OSBPL8: variants seen among roughly 807,000 people sequenced by gnomAD.
OSBPL8 encodes the protein oxysterol-binding protein-related protein 8.
OSBPL8 carries 59 observed loss-of-function variants against 125.5 expected under a neutral mutation model. The observed-to-expected ratio is 0.47, with a 90% CI of 0.38 to 0.58. The LOEUF is 0.58. OSBPL8 is among the 20% of genes least tolerant of loss of function. OSBPL8 has a pLI of 0.00. For synonymous variants in OSBPL8, 330 were observed against 338.9 expected, an observed-to-expected ratio of 0.97 and a Z score of 0.29; for missense variants, 758 against 1,047.8, an observed-to-expected ratio of 0.72 and a Z score of 3.82.
At chr12:76,534,844 A>G (rs1323576966) in intron 1 of OSBPL8, among the ~76,000 whole-genome samples, 1 of 152,172 alleles carries the variant, frequency 6.6e-6, no homozygotes, top group Non-Finnish European at 1.5e-5. Context: ...CTAGAAATGG[A>G]CCCATAAACA....
intron 19 of OSBPL8, 89 bp from the exon 20 acceptor site, chr12:76,369,911 A>G: frequency 8.2e-7 from 1 of 1,220,962 alleles, no homozygotes; most frequent in Non-Finnish European, 1.1e-6. Context: ...CTTGTAGAGA[A>G]AATAATGCTC....
intron 1 of OSBPL8, among the ~76,000 whole-genome samples, chr12:76,541,431 T>C (rs529652328): frequency 3.9e-5 from 6 of 152,068 alleles, no homozygotes; most frequent in Non-Finnish European, 8.8e-5. Context: ...TGAGTCGACA[T>C]TGTGCCACTG....
intron 5 of OSBPL8, among the ~76,000 whole-genome samples, chr12:76,410,198 T>C (rs1006542293): frequency 9.2e-5 from 14 of 152,226 alleles, no homozygotes; most frequent in Admixed American, 2.0e-4. Context: ...TGGTAAAATA[T>C]ATGTATTTTG....
intron 4 of OSBPL8, among the ~76,000 whole-genome samples, chr12:76,421,254 G>C (rs1400053970): frequency 1.3e-5 from 2 of 151,890 alleles, no homozygotes; most frequent in African/African-American, 2.4e-5. Flanking sequence ...AAAAATCTCA[G>C]TATTTTGTAT....
intron 1 of OSBPL8, among the ~76,000 whole-genome samples, chr12:76,541,896 G>A (rs986912891): frequency 1.3e-5 from 2 of 151,162 alleles, no homozygotes; most frequent in Admixed American, 6.6e-5. Context: ...AGTAGGCCGG[G>A]TGCAGTGGCT....
In OSBPL8 at chr12:76,399,972, T is replaced by C; in HGVS notation, c.369A>G (p.Val123=). 2 of 1,593,668 alleles carry C rather than the reference T, an allele frequency of 1.3e-6. No individual in the cohort carries two copies. The highest frequency in any genetic ancestry group is 1.7e-6 in the Non-Finnish European group (2 of 1,172,976). The change falls in exon 7 of 24, where the codon GTA becomes GTG. Residue 123 remains valine (V), a splice_region_variant and synonymous_variant. Transcript: ENST00000261183. ...SKLTKKESLK[V]QKKNYREEKK... ...TTTCTTCTCGGTAATTTTTCTTTTG[T>C]ACCTATTTTATAGAAATAATAGAAA...
intron 4 of OSBPL8, among the ~76,000 whole-genome samples, chr12:76,435,554 C>CA (rs1871347940): frequency 6.6e-6 from 1 of 151,644 alleles, no homozygotes; most frequent in Admixed American, 6.6e-5. Flanking sequence ...CAACACATGC[C>CA]AAAAAATGGT....
chr12:76,438,237 C>T (rs755733411), intron 4 of OSBPL8, among the ~76,000 whole-genome samples: 2 of 151,750 alleles, frequency 1.3e-5, no homozygotes, highest in Non-Finnish European at 2.9e-5. Flanking sequence ...CCGCCCGCCT[C>T]GGCCTCCCAA....
intron 4 of OSBPL8, among the ~76,000 whole-genome samples, chr12:76,433,380 C>G (rs1299778682): frequency 6.6e-6 from 1 of 151,842 alleles, no homozygotes; most frequent in Non-Finnish European, 1.5e-5. Flanking sequence ...AGTAAAGTTG[C>G]AGGATACAAA....
At chr12:76,553,999 TA>T (rs1208383635) in intron 1 of OSBPL8, among the ~76,000 whole-genome samples, 8 of 117,670 alleles carry the variant, frequency 6.8e-5, no homozygotes, top group Admixed American at 1.7e-4. Context: ...AAAAAAACAC[TA>T]AAAAAAAATG....
intron 1 of OSBPL8, among the ~76,000 whole-genome samples, chr12:76,501,962 C>T (rs1343270652): frequency 6.6e-6 from 1 of 152,236 alleles, no homozygotes; most frequent in Non-Finnish European, 1.5e-5. Flanking sequence ...TACAGCATTG[C>T]TTTGGAAGAA....
intron 3 of OSBPL8, among the ~76,000 whole-genome samples, chr12:76,454,070 A>G (rs942872100): frequency 1.3e-5 from 2 of 152,220 alleles, no homozygotes; most frequent in African/African-American, 4.8e-5. Context: ...GATCATCGAG[A>G]TGTCTTAAGC....
intron 4 of OSBPL8, among the ~76,000 whole-genome samples, chr12:76,432,951 T>A (rs767930819): frequency 6.6e-6 from 1 of 152,066 alleles, no homozygotes; most frequent in Non-Finnish European, 1.5e-5. Flanking sequence ...CATATACAAA[T>A]CAATCAATGG....
intron 4 of OSBPL8, among the ~76,000 whole-genome samples, chr12:76,447,456 A>G (rs1278677246): frequency 6.6e-6 from 1 of 152,242 alleles, no homozygotes; most frequent in Non-Finnish European, 1.5e-5. Context: ...GAAAATATAG[A>G]AGATACAGAA....
intron 4 of OSBPL8, among the ~76,000 whole-genome samples, chr12:76,417,967 G>T (rs982471138): frequency 6.7e-6 from 1 of 149,196 alleles, no homozygotes; most frequent in Non-Finnish European, 1.5e-5. Context: ...TAGAGACCTG[G>T]AATGAAAACC....
At chr12:76,451,073 A>C in intron 3 of OSBPL8, 85 bp from the exon 4 acceptor site, 1 of 1,374,144 alleles carries the variant, frequency 7.3e-7, no homozygotes, top group Non-Finnish European at 9.8e-7. Context: ...TAAGATCAAA[A>C]CTGAAATGGC....
chr12:76,504,771 A>G (rs552513145), intron 1 of OSBPL8, among the ~76,000 whole-genome samples: 1 of 152,230 alleles, frequency 6.6e-6, no homozygotes, highest in African/African-American at 2.4e-5. Flanking sequence ...CTGAATTCTT[A>G]TATGATGCCA....
rs117581018 is a variant in OSBPL8 at position 76,487,420 on chromosome 12, G to A, written c.42+90C>T. The A allele has an allele frequency of 3.9e-4, 389 of 1,003,888 alleles. 3 individuals carry two copies. The East Asian group carries it at 9.4e-3, about 24-fold the overall frequency. 62.2% of individuals were successfully genotyped at this position (1,003,888 alleles called of 1,614,324 possible). A position where few individuals can be genotyped will look rare whatever the true frequency, so the allele number is the denominator to read the frequency against. On this transcript the variant is annotated intron_variant, in intron 2 of 23. Transcript: ENST00000261183. ...TAAAAATACTTTTTAAAAGTTTGTT[G>A]TTAATATATTTTAAAAACAAAACCC... is the stretch of plus-strand genomic sequence containing the variant.
At chr12:76,377,586 C>T (rs963761654) in intron 16 of OSBPL8, among the ~76,000 whole-genome samples, 9 of 152,044 alleles carry the variant, frequency 5.9e-5, no homozygotes, top group Non-Finnish European at 1.0e-4. Context: ...AGTGTCTGTT[C>T]GTATCCTTTG....
Sources: gnomAD v4.1 joint callset for allele counts (sites outside exome capture counted in the v4.1 genomes callset) on GRCh38, gnomAD v4.1.1 for gene constraint, MANE v1.5 for transcripts, NCBI Gene and HGNC (gene_info 2026-07-23, HGNC 2026-07-21) for gene names.